The following AGRN variants were observed in gnomAD, a reference collection of about 807,000 sequenced individuals.
AGRN encodes the protein agrin proteoglycan.
A neutral mutation model predicts 211.0 loss-of-function variants in AGRN; 106 were observed. The ratio of observed to expected loss-of-function variants is 0.50; its 90% CI spans 0.43 to 0.59. The LOEUF is 0.59. Ranked by LOEUF, AGRN falls within the 20% of genes least tolerant of loss-of-function variation. The pLI is 0.00. For synonymous variants in AGRN, 1,525 were observed against 1,332.5 expected (o/e 1.14, Z -3.15); for missense variants, 3,040 against 2,982.6 (o/e 1.02, Z -0.45).
rs1276162734 is a variant in AGRN, at chr1:1,048,267, A to G, written c.4007A>G (p.Gln1336Arg). The G allele has an allele frequency of 6.5e-7, 1 of 1,532,504 alleles. No individual in the cohort carries two copies. The highest frequency in any genetic ancestry group is 8.8e-7 in the Non-Finnish European group (1 of 1,135,718). The allele number at this position is 1,532,504 out of a possible 1,614,324, so 94.9% of individuals were successfully genotyped here. The change falls in exon 23 of 36, where the codon CAG (glutamine) becomes CGG (arginine). Residue 1336 changes from glutamine (Q) to arginine (R), a missense_variant. Gln to Arg is a conservative substitution (Grantham distance 43). This residue lies in a region of AGRN where 1,537 missense variants were observed against 1,505.0 expected (regional missense o/e 1.02). Coordinates refer to ENST00000379370, the MANE Select transcript of AGRN (RefSeq NM_198576.4). The surrounding 1 kb of genome is among the most constrained non-coding windows in gnomAD (Gnocchi z 5.9). Reference protein sequence around the residue: ...PQQPPKPCDSQPCFHGGTCQD... With the variant: ...PQQPPKPCDSRPCFHGGTCQD... ...CAGCCTCCAAAGCCCTGTGACTCAC[A>G]GCCCTGCTTCCACGGGGGGACCTGC...
intron 19 of AGRN, 86 bp downstream of exon 19, chr1:1,047,043 G>A: frequency 1.3e-6 from 2 of 1,536,146 alleles, no homozygotes; most frequent in East Asian, 4.9e-5. Context: ...GCAGGTCAGT[G>A]CCGGGGGTTA....
At chr1:1,051,878 C>G (rs938513995) in intron 33 of AGRN, 63 bp downstream of exon 33, 1 of 1,598,084 alleles carries the variant, frequency 6.3e-7, no homozygotes, top group African/African-American at 1.3e-5. Context: ...GACACCGGAC[C>G]CCCACACCAG....
At chr1:1,054,396 G>C in intron 34 of AGRN, 52 bp from the exon 35 acceptor site, 1 of 1,466,240 alleles carries the variant, frequency 6.8e-7, no homozygotes, top group East Asian at 2.5e-5. Context: ...TGGTCTAGAG[G>C]AGGCAGAGGG....
In AGRN at chr1:1,055,671, G is replaced by A. The variant is rs914426460; in HGVS notation, c.*690G>A. ...TATCGAGAGGAGCTCACTGTGGGAT[G>A]GGGTTGACCTCTGCCGCCTGCCTGG... On this transcript the variant is annotated 3_prime_UTR_variant, in exon 36 of 36. Coordinates refer to ENST00000379370, the MANE Select transcript of AGRN (RefSeq NM_198576.4). 6.4e-6 allele frequency: 1 copy of A among 157,252 alleles called. No homozygotes were observed. The highest frequency in any genetic ancestry group is 2.4e-5 in the African/African-American group (1 of 41,488). The allele number at this position is 157,252 out of a possible 1,614,324, so 9.7% of individuals were successfully genotyped here. A position where few individuals can be genotyped will look rare whatever the true frequency, so the allele number is the denominator to read the frequency against.
chr1:1,037,584 G>T (rs1462151564), intron 3 of AGRN, among the ~76,000 whole-genome samples: 1 of 152,240 alleles, frequency 6.6e-6, no homozygotes, highest in Non-Finnish European at 1.5e-5. Flanking sequence ...CGGGAGAGTG[G>T]GTGGGGAGGC....
intron 2 of AGRN, chr1:1,034,678 C>G: frequency 2.0e-6 from 2 of 989,854 alleles, no homozygotes; most frequent in Non-Finnish European, 2.4e-6. Context: ...CGCTCGGCTT[C>G]GCGGTGCTGC....
intron 2 of AGRN, among the ~76,000 whole-genome samples, chr1:1,024,077 G>A (rs1644467071): frequency 6.6e-6 from 1 of 152,134 alleles, no homozygotes; most frequent in African/African-American, 2.4e-5. Flanking sequence ...GGGCCAAGGG[G>A]AGCCTCAGGA....
intron 21 of AGRN, 37 bp downstream of exon 21, chr1:1,047,724 TG>T: frequency 6.2e-7 from 1 of 1,612,542 alleles, no homozygotes; most frequent in Non-Finnish European, 8.5e-7. Flanking sequence ...TGGGAGGCAA[TG>T]GGTGGGGGAT....
chr1:1,029,590 C>T (rs577420847), intron 2 of AGRN, among the ~76,000 whole-genome samples: 3 of 147,392 alleles, frequency 2.0e-5, no homozygotes, highest in East Asian at 2.0e-4. Context: ...ATTGTGTGGC[C>T]GTGTGTGTGT....
At chr1:1,051,029 C>T (rs1442917077) in intron 30 of AGRN, 192 bp downstream of exon 30, 1 of 1,549,258 alleles carries the variant, frequency 6.5e-7, no homozygotes. Flanking sequence ...CTTCGGAGGC[C>T]AGAAATCCCG....
chr1:1,045,905 C>T (rs1174336119), intron 15 of AGRN, 29 bp downstream of exon 15: 1 of 1,610,268 alleles, frequency 6.2e-7, no homozygotes, highest in Non-Finnish European at 8.5e-7. Flanking sequence ...TACCCTGGGG[C>T]TTCATGGGGT....
rs749946176 is a variant in AGRN, at chr1:1,051,831, C to T, written c.5651+16C>T. 3.7e-6 allele frequency: 6 copies of T among 1,613,272 alleles called. 1 individual carries two copies. The South Asian group carries it at 6.6e-5, about 18-fold the overall frequency. On this transcript the variant is annotated intron_variant, in intron 33 of 35. Coordinates refer to ENST00000379370, the MANE Select transcript of AGRN (RefSeq NM_198576.4). ...TGACCGAGAGGTAACGTGCCATCCTCTGCTGGCTGTCGGTTCCATCTGTGC... is the reference window on the plus strand; with the variant it reads ...TGACCGAGAGGTAACGTGCCATCCTTTGCTGGCTGTCGGTTCCATCTGTGC...
chr1:1,028,535 G>GGGCCTGCTAATT (rs1425881539), intron 2 of AGRN, among the ~76,000 whole-genome samples: 1 of 140,926 alleles, frequency 7.1e-6, no homozygotes, highest in African/African-American at 2.6e-5. Flanking sequence ...GCCCCTCATG[G>GGGCCTGCTAATT]GCCAAGGGCA....
At chr1:1,036,323 G>A (rs1342243791) in intron 3 of AGRN, among the ~76,000 whole-genome samples, 1 of 152,168 alleles carries the variant, frequency 6.6e-6, no homozygotes, top group East Asian at 1.9e-4. Context: ...GCTGAGAGGT[G>A]GGGGCAGCTT....
rs1645293056 is a variant in AGRN, at chr1:1,051,586, G to A, written c.5504G>A (p.Arg1835Lys). ...CTCAATGGGGCCTCCTGCGTCCCGA[G>A]GGAGGCTGCCTATGTGTGCCTGTGT... is the stretch of plus-strand genomic sequence containing the variant. ...PCLNGASCVP[R>K]EAAYVCLCPG... The change falls in exon 32 of 36, where the codon AGG becomes AAG. Residue 1835 changes from arginine to lysine, a missense_variant. Physicochemically the swap from Arg to Lys is conservative, Grantham distance 26. Around this residue, in one of 3 missense-constraint regions of AGRN, gnomAD observed 1,537 missense variants for 1,505.0 expected, o/e 1.02. Transcript: ENST00000379370. 1 of 1,602,126 alleles carries A rather than the reference G, an allele frequency of 6.2e-7. No homozygotes were observed. The highest frequency in any genetic ancestry group is 1.3e-5 in the African/African-American group (1 of 74,752).
intron 2 of AGRN, among the ~76,000 whole-genome samples, chr1:1,027,700 G>A (rs1557686103): frequency 6.6e-6 from 1 of 152,130 alleles, no homozygotes; most frequent in African/African-American, 2.4e-5. Flanking sequence ...GCGGGACCTC[G>A]AGACTGACAC....
chr1:1,043,287 C>T lies in AGRN; in HGVS notation c.1433C>T (p.Thr478Met), dbSNP rs766590290. Residue 478 changes from threonine (T) to methionine (M), a missense_variant, in exon 8 of 36, where the codon ACG becomes ATG. Physicochemically the swap from Thr to Met is moderately conservative, Grantham distance 81 (BLOSUM62 -1). This residue lies in a region of AGRN where 1,498 missense variants were observed against 1,457.8 expected (regional missense o/e 1.03). Transcript: ENST00000379370. ...GGGGTGCAGTGTGCATTTGGGGCGACGTGTGCTGTGAAGAACGGGCAGGCA... is the reference window on the plus strand; with the variant it reads ...GGGGTGCAGTGTGCATTTGGGGCGATGTGTGCTGTGAAGAACGGGCAGGCA... Reference protein sequence around the residue: ...CLGVQCAFGATCAVKNGQAAC... With the variant: ...CLGVQCAFGAMCAVKNGQAAC... 60 of 1,611,602 alleles carry T rather than the reference C, an allele frequency of 3.7e-5. No individual in the cohort carries two copies. Among genetic ancestry groups the T allele is most frequent in the Admixed American group, 1.0e-4 (6 of 59,736 alleles).
chr1:1,023,351 A>C (rs2341363), intron 2 of AGRN, among the ~76,000 whole-genome samples: 1 of 151,930 alleles, frequency 6.6e-6, no homozygotes, highest in Non-Finnish European at 1.5e-5. Context: ...CCTGGGGGCT[A>C]TGCAGGGGGA....
At chr1:1,021,408 C>T (rs995317762) in intron 1 of AGRN, among the ~76,000 whole-genome samples, 17 of 152,334 alleles carry the variant, frequency 1.1e-4, no homozygotes, top group African/African-American at 4.1e-4. Context: ...GGAGGGGGTC[C>T]CTGCGGATGC....
Sources: gnomAD v4.1 joint callset for allele counts (sites outside exome capture counted in the v4.1 genomes callset) on GRCh38, gnomAD v4.1.1 for gene constraint, gnomAD v4.1.1 regional missense constraint, Gnocchi (gnomAD v3.1) non-coding constraint, MANE v1.5 for transcripts, NCBI Gene and HGNC (gene_info 2026-07-23, HGNC 2026-07-21) for gene names.